COL8A1: variants seen among roughly 807,000 people sequenced by gnomAD.
The protein encoded by COL8A1 is collagen alpha-1(VIII) chain.
In COL8A1, 21 loss-of-function variants were observed where a neutral mutation model predicts 42.7. The ratio of observed to expected loss-of-function variants is 0.49; its 90% CI spans 0.35 to 0.71. The LOEUF (loss-of-function observed/expected upper bound fraction) is 0.71. Among genes scored for constraint, COL8A1 ranks in the 30% least tolerant of loss-of-function variants. The probability of loss-of-function intolerance (pLI) is 0.01; values close to 1 mark genes in which losing one functional copy is unlikely to be tolerated. For missense variants in COL8A1, 788 were observed against 962.4 expected, an observed-to-expected ratio of 0.82 and a Z score of 2.40; for synonymous variants, 367 against 369.1, an observed-to-expected ratio of 0.99 and a Z score of 0.06.
chr3:99,727,685 C>CA (rs1358734974), intron 1 of COL8A1, among the ~76,000 whole-genome samples: 2 of 151,646 alleles, frequency 1.3e-5, no homozygotes, highest in Non-Finnish European at 1.5e-5. Context: ...AGAGACACAA[C>CA]AAAAAAAGAG....
chr3:99,671,419 G>A (rs1011790162), intron 1 of COL8A1, among the ~76,000 whole-genome samples: 2 of 151,924 alleles, frequency 1.3e-5, no homozygotes, highest in Non-Finnish European at 2.9e-5. Context: ...AACATACATT[G>A]TGGAATAACC....
intron 2 of COL8A1, among the ~76,000 whole-genome samples, chr3:99,760,754 T>C (rs1173652630): frequency 6.6e-6 from 1 of 152,208 alleles, no homozygotes; most frequent in Non-Finnish European, 1.5e-5. Context: ...ATTCTAACTA[T>C]GAAGACTCAC....
intron 2 of COL8A1, among the ~76,000 whole-genome samples, chr3:99,747,549 T>C (rs1002544166): frequency 6.6e-6 from 1 of 152,226 alleles, no homozygotes; most frequent in African/African-American, 2.4e-5. Flanking sequence ...TTCTTGTGGT[T>C]GTACTACACT....
intron 2 of COL8A1, among the ~76,000 whole-genome samples, chr3:99,771,816 T>C (rs1941586695): frequency 6.6e-6 from 1 of 152,202 alleles, no homozygotes. Flanking sequence ...GGTGTCCATA[T>C]GGTGCCATAT....
At chr3:99,686,501 C>T (rs1437990502) in intron 1 of COL8A1, among the ~76,000 whole-genome samples, 1 of 152,096 alleles carries the variant, frequency 6.6e-6, no homozygotes, top group Non-Finnish European at 1.5e-5. Flanking sequence ...CTTATCCTAT[C>T]CTAAGAAGAA....
chr3:99,749,540 T>C (rs1941097806), intron 2 of COL8A1, among the ~76,000 whole-genome samples: 1 of 152,166 alleles, frequency 6.6e-6, no homozygotes. Flanking sequence ...CACTGATTGA[T>C]AGGTTTATGA....
chr3:99,747,253 A>G (rs1426402233), intron 2 of COL8A1, among the ~76,000 whole-genome samples: 1 of 152,228 alleles, frequency 6.6e-6, no homozygotes, highest in Non-Finnish European at 1.5e-5. Context: ...ATTTTCCTCA[A>G]GTTAAATAAC....
chr3:99,706,912 T>C (rs1184672685), intron 1 of COL8A1, among the ~76,000 whole-genome samples: 3 of 152,190 alleles, frequency 2.0e-5, no homozygotes, highest in Admixed American at 6.6e-5. Flanking sequence ...TACACCAATC[T>C]AGTTTGATGA....
chr3:99,786,983 C>A (rs1941908355), intron 2 of COL8A1, among the ~76,000 whole-genome samples: 1 of 152,024 alleles, frequency 6.6e-6, no homozygotes, highest in Admixed American at 6.6e-5. Flanking sequence ...GAGGACCAGC[C>A]CAGGAACTGA....
rs1199445205 is a variant in COL8A1, at chr3:99,797,604, G to C, written c.*1468G>C. ...GCTTTCAAAATCCAAGCCATAATTG[G>C]TGAGGGGGGAGTTTCAGAATTACAT... is the stretch of plus-strand genomic sequence containing the variant. On this transcript the variant is annotated 3_prime_UTR_variant, in exon 4 of 4. Coordinates refer to ENST00000652472, the MANE Select transcript of COL8A1 (RefSeq NM_020351.4). 1.3e-5 allele frequency: 2 copies of C among 152,202 alleles called. No homozygotes were observed. The highest frequency in any genetic ancestry group is 1.3e-4 in the Admixed American group (2 of 15,276). 9.4% of individuals were successfully genotyped at this position (152,202 alleles called of 1,614,324 possible).
chr3:99,780,760 C>T (rs1204806442), intron 2 of COL8A1, among the ~76,000 whole-genome samples: 4 of 152,198 alleles, frequency 2.6e-5, no homozygotes, highest in African/African-American at 9.7e-5. Flanking sequence ...CTGCCCTTTC[C>T]TTTCTCCACT....
intron 1 of COL8A1, among the ~76,000 whole-genome samples, chr3:99,733,206 G>A (rs1334959297): frequency 6.8e-6 from 1 of 146,894 alleles, no homozygotes; most frequent in Non-Finnish European, 1.5e-5. Flanking sequence ...GTGCAGGTTA[G>A]TTACATATGT....
intron 2 of COL8A1, among the ~76,000 whole-genome samples, chr3:99,769,151 CATCTT>C (rs1186093008): frequency 6.6e-6 from 1 of 152,178 alleles, no homozygotes; most frequent in Non-Finnish European, 1.5e-5. Context: ...TCTGGTTCCT[CATCTT>C]ATTTTTAAGT....
At chr3:99,677,759 A>C (rs1448696860) in intron 1 of COL8A1, 1 of 152,154 alleles carries the variant, frequency 6.6e-6, no homozygotes, top group Non-Finnish European at 1.5e-5. Context: ...AGACGTTTCC[A>C]TACAGTTCCT....
intron 2 of COL8A1, among the ~76,000 whole-genome samples, chr3:99,769,659 G>C (rs950682921): frequency 1.3e-5 from 2 of 152,206 alleles, no homozygotes; most frequent in Non-Finnish European, 2.9e-5. Context: ...GATGGCTCAC[G>C]CCTGTAATCC....
intron 1 of COL8A1, among the ~76,000 whole-genome samples, chr3:99,674,246 A>G (rs144677241): frequency 1.1e-3 from 169 of 152,042 alleles, no homozygotes; most frequent in African/African-American, 3.9e-3. Context: ...AGAACCTTTC[A>G]GCTTTGTGGC....
At chr3:99,725,419 T>C (rs1940280685) in intron 1 of COL8A1, among the ~76,000 whole-genome samples, 2 of 152,050 alleles carry the variant, frequency 1.3e-5, no homozygotes, top group Non-Finnish European at 2.9e-5. Flanking sequence ...TTTTTTTTAA[T>C]TTTATTATTA....
At chr3:99,771,978 A>G (rs1324795927) in intron 2 of COL8A1, among the ~76,000 whole-genome samples, 1 of 152,226 alleles carries the variant, frequency 6.6e-6, no homozygotes, top group Non-Finnish European at 1.5e-5. Flanking sequence ...TACCATTGTC[A>G]GTCATGAATA....
chr3:99,750,811 C>T (rs1260561193), intron 2 of COL8A1, among the ~76,000 whole-genome samples: 3 of 152,120 alleles, frequency 2.0e-5, no homozygotes, highest in Admixed American at 6.5e-5. Context: ...AGTTGTAATA[C>T]GGGCTGGTAA....
Sources: gnomAD v4.1 joint callset for allele counts (sites outside exome capture counted in the v4.1 genomes callset) on GRCh38, gnomAD v4.1.1 for gene constraint, MANE v1.5 for transcripts, NCBI Gene and HGNC (gene_info 2026-07-23, HGNC 2026-07-21) for gene names.